The following FOLH1 variants were observed in gnomAD, a reference collection of about 807,000 sequenced individuals.
FOLH1 encodes the protein folate hydrolase 1, also known as glutamate carboxypeptidase 2.
FOLH1 carries 54 observed loss-of-function variants against 93.9 expected under a neutral mutation model. That is an observed-to-expected ratio of 0.57 (90% CI 0.46 to 0.72). The LOEUF (loss-of-function observed/expected upper bound fraction) is 0.72, where lower values mean the gene tolerates loss of function less well. Among genes scored for constraint, FOLH1 ranks in the 30% least tolerant of loss-of-function variants. FOLH1 has a pLI of 0.00. For missense variants in FOLH1, 571 were observed against 892.5 expected, an observed-to-expected ratio of 0.64 and a Z score of 4.59; for synonymous variants, 249 against 303.6, an observed-to-expected ratio of 0.82 and a Z score of 1.87.
chr11:49,194,894 A>G (rs2135272709), intron 3 of FOLH1, among the ~76,000 whole-genome samples: 1 of 152,096 alleles, frequency 6.6e-6, no homozygotes, highest in East Asian at 1.9e-4. Flanking sequence ...CAAATTATAC[A>G]TAACATAAAT....
intron 17 of FOLH1, among the ~76,000 whole-genome samples, chr11:49,151,037 A>T (rs1472696236): frequency 6.6e-6 from 1 of 152,206 alleles, no homozygotes; most frequent in East Asian, 1.9e-4. Flanking sequence ...TGTAGATGAG[A>T]TAACAAAGGA....
chr11:49,180,804 A>G (rs958468198), intron 7 of FOLH1, among the ~76,000 whole-genome samples: 7 of 152,220 alleles, frequency 4.6e-5, no homozygotes, highest in Non-Finnish European at 8.8e-5. Flanking sequence ...TAGGTGGATA[A>G]ATAGTGTCTA....
chr11:49,158,529 T>C (rs895420341), intron 13 of FOLH1, among the ~76,000 whole-genome samples: 1 of 152,192 alleles, frequency 6.6e-6, no homozygotes, highest in Non-Finnish European at 1.5e-5. Flanking sequence ...ACCAGTATCA[T>C]GCTGTTTTGA....
chr11:49,149,901 TAAC>T (rs952764230), intron 17 of FOLH1, among the ~76,000 whole-genome samples: 2 of 152,146 alleles, frequency 1.3e-5, no homozygotes, highest in Non-Finnish European at 2.9e-5. Context: ...TATTTAAAAA[TAAC>T]AAGAATAGTC....
Position 49,192,829 on chromosome 11 carries a change from T to C in FOLH1, c.477A>G (p.Pro159=). The change falls in exon 4 of 19, where the codon CCA becomes CCG. Residue 159 remains proline (P), a synonymous_variant. Transcript: ENST00000256999. ...CTTGAGGAGAGAAAGCACTGAAAGG[T>C]GGTACAATATCCGAAACATTTTCAT... is the stretch of plus-strand genomic sequence containing the variant. ...PGYENVSDIV[P]PFSAFSPQGM... 2 of 1,608,372 alleles carry C rather than the reference T, an allele frequency of 1.2e-6. No individual in the cohort carries two copies. Among genetic ancestry groups the C allele is most frequent in the Non-Finnish European group, 1.7e-6 (2 of 1,176,850 alleles).
chr11:49,200,171 G>A (rs1034310110), intron 3 of FOLH1, 84 bp downstream of exon 3: 1 of 1,170,708 alleles, frequency 8.5e-7, no homozygotes. Context: ...ATTTAGAGAT[G>A]GGATAGAACA....
intron 13 of FOLH1, among the ~76,000 whole-genome samples, chr11:49,159,585 A>C (rs1211179958): frequency 6.6e-6 from 1 of 152,034 alleles, no homozygotes; most frequent in African/African-American, 2.4e-5. Context: ...TACTGGCCTG[A>C]ATTTTTGTTG....
intron 1 of FOLH1, among the ~76,000 whole-genome samples, chr11:49,207,606 A>G (rs990351065): frequency 1.3e-5 from 2 of 152,232 alleles, no homozygotes; most frequent in African/African-American, 4.8e-5. Flanking sequence ...TAGGAGATTT[A>G]CATGCTATAT....
At position 49,155,795 on chromosome 11, in the gene FOLH1, C is replaced by CATATATATATAT. The variant is rs10526900; in HGVS notation, c.1623+910_1623+921dup. 5.0e-3 allele frequency among the ~76,000 whole-genome samples: 260 copies of CATATATATATAT among 51,976 alleles called. 11 individuals carry two copies. Among genetic ancestry groups the CATATATATATAT allele is most frequent in the South Asian group, 8.6e-3 (8 of 934 alleles). 34.1% of individuals were successfully genotyped at this position (51,976 alleles called of 152,430 possible). A position where few individuals can be genotyped will look rare whatever the true frequency, so the allele number is the denominator to read the frequency against. ...AATTTACTTTGAAGAAAATGAAAAC[C>CATATATATATAT]ATATATATATATATATATATATATA... On this transcript the variant is annotated intron_variant, in intron 15 of 18. Coordinates refer to ENST00000256999, the MANE Select transcript of FOLH1 (RefSeq NM_004476.3).
At chr11:49,193,444 A>C (rs1862282220) in intron 3 of FOLH1, among the ~76,000 whole-genome samples, 1 of 152,172 alleles carries the variant, frequency 6.6e-6, no homozygotes, top group South Asian at 2.1e-4. Context: ...GAAAGATTTT[A>C]ATCACCAAAT....
intron 2 of FOLH1, among the ~76,000 whole-genome samples, chr11:49,203,982 G>A (rs1863563936): frequency 6.6e-6 from 1 of 152,214 alleles, no homozygotes. Context: ...CCAGGGAGAA[G>A]CAACTTCCTG....
chr11:49,152,501 A>G (rs1856600337), intron 17 of FOLH1, among the ~76,000 whole-genome samples: 1 of 152,154 alleles, frequency 6.6e-6, no homozygotes, highest in Non-Finnish European at 1.5e-5. Context: ...ATAACATCAC[A>G]TTACTTTCAT....
chr11:49,208,354 C>A lies in FOLH1; in HGVS notation c.56G>T (p.Arg19Leu). 2 of 1,600,742 alleles carry A rather than the reference C, an allele frequency of 1.2e-6. No homozygotes were observed. Among genetic ancestry groups the A allele is most frequent in the Non-Finnish European group, 1.7e-6 (2 of 1,172,612 alleles). Residue 19 changes from arginine (R) to leucine (L), a missense_variant, in exon 1 of 19, where the codon CGC becomes CTC. This residue lies in a region of FOLH1 where 71 missense variants were observed against 69.6 expected (regional missense o/e 1.02). Coordinates refer to ENST00000256999, the MANE Select transcript of FOLH1 (RefSeq NM_004476.3). The part of the protein sequence containing the change: ...DSAVATARRP[R>L]WLCAGALVLA... ...CACCAGCGCCCCAGCGCACAGCCAG[C>A]GCGGGCGGCGCGCGGTGGCCACAGC...
intron 3 of FOLH1, among the ~76,000 whole-genome samples, chr11:49,197,607 C>T (rs536527280): frequency 3.3e-5 from 5 of 152,104 alleles, no homozygotes; most frequent in East Asian, 3.9e-4. Flanking sequence ...TTGTTGCCTA[C>T]GGATGGAGAA....
chr11:49,167,770 C>T (rs537277824), intron 12 of FOLH1, among the ~76,000 whole-genome samples: 29 of 152,110 alleles, frequency 1.9e-4, no homozygotes, highest in African/African-American at 6.7e-4. Context: ...CATGATCGCT[C>T]CACGCACTCC....
At chr11:49,170,003 T>G (rs560073284) in intron 11 of FOLH1, among the ~76,000 whole-genome samples, 1 of 151,768 alleles carries the variant, frequency 6.6e-6, no homozygotes, top group South Asian at 2.1e-4. Context: ...TTCTTTCTTA[T>G]AAAACTTTGA....
rs1349649924 is a variant in FOLH1, at chr11:49,145,972, T to C, written c.*784A>G. Among the ~76,000 whole-genome samples the C allele has an allele frequency of 7.9e-5, 12 of 152,154 alleles. No individual in the cohort carries two copies. Among genetic ancestry groups the C allele is most frequent in the Non-Finnish European group, 1.5e-4 (10 of 68,028 alleles). On this transcript the variant is annotated 3_prime_UTR_variant, in exon 19 of 19. Transcript: ENST00000256999. ...AAATCAAGTCCCTGAAAATTACACA[T>C]GGTATGATTGTCTTTACAAAAAGTT...
intron 17 of FOLH1, among the ~76,000 whole-genome samples, chr11:49,150,402 A>C (rs1856369870): frequency 6.6e-6 from 1 of 152,192 alleles, no homozygotes; most frequent in African/African-American, 2.4e-5. Flanking sequence ...TTACATTGGC[A>C]TAATTAACTG....
chr11:49,176,761 G>C (rs1006119248), intron 7 of FOLH1, among the ~76,000 whole-genome samples: 2 of 151,530 alleles, frequency 1.3e-5, no homozygotes, highest in African/African-American at 4.9e-5. Context: ...ATATTTTTAT[G>C]AAAATCCAGC....
Sources: allele counts gnomAD v4.1 joint callset (sites outside exome capture counted in the v4.1 genomes callset), GRCh38; gene constraint gnomAD v4.1.1; regional missense constraint gnomAD v4.1.1; transcripts MANE v1.5; gene names NCBI Gene and HGNC (gene_info 2026-07-23, HGNC 2026-07-21).